The following PBX3 variants were observed in gnomAD, a reference collection of about 807,000 sequenced individuals.
PBX3 encodes the protein PBX homeobox 3, also known as pre-B-cell leukemia transcription factor 3.
Under a neutral mutation model 48.5 loss-of-function variants are expected in PBX3, and 14 were observed. The ratio of observed to expected loss-of-function variants is 0.29; its 90% CI spans 0.19 to 0.45. The LOEUF is 0.45. Among genes scored for constraint, PBX3 ranks in the 20% least tolerant of loss-of-function variants. The pLI, the probability that PBX3 is intolerant of heterozygous loss-of-function variation, is 1.00. For synonymous variants in PBX3, 210 were observed against 200.3 expected, an observed-to-expected ratio of 1.05 and a Z score of -0.41; for missense variants, 386 against 546.7, an observed-to-expected ratio of 0.71 and a Z score of 2.93.
intron 2 of PBX3, among the ~76,000 whole-genome samples, chr9:125,771,939 G>A (rs1454236467): frequency 1.3e-5 from 2 of 152,154 alleles, no homozygotes; most frequent in Non-Finnish European, 2.9e-5. Flanking sequence ...GGTAACCAGG[G>A]GGACCCCAGT....
chr9:125,929,987 T>C, intron 4 of PBX3, 142 bp downstream of exon 4: 1 of 653,768 alleles, frequency 1.5e-6, no homozygotes, highest in Non-Finnish European at 2.7e-6. Flanking sequence ...ATTCAACTCA[T>C]GGTTCCTGTG....
chr9:125,747,762 G>A, intron 1 of PBX3, 109 bp downstream of exon 1: 3 of 827,396 alleles, frequency 3.6e-6, no homozygotes, highest in Non-Finnish European at 5.2e-6. Flanking sequence ...CCCCGGCGGG[G>A]AACTTTCTCC....
At chr9:125,946,745 A>G (rs1185790361) in intron 5 of PBX3, among the ~76,000 whole-genome samples, 1 of 152,176 alleles carries the variant, frequency 6.6e-6, no homozygotes, top group Non-Finnish European at 1.5e-5. Context: ...AGAAAGTCTA[A>G]TATAAATGTG....
At chr9:125,789,196 A>G (rs141554136) in intron 2 of PBX3, among the ~76,000 whole-genome samples, 3 of 152,222 alleles carry the variant, frequency 2.0e-5, no homozygotes, top group African/African-American at 7.2e-5. Flanking sequence ...AATTGCTCCA[A>G]TTTTTCCTAT....
intron 2 of PBX3, among the ~76,000 whole-genome samples, chr9:125,833,252 G>T (rs563653424): frequency 5.9e-5 from 9 of 152,140 alleles, no homozygotes; most frequent in Non-Finnish European, 1.3e-4. Context: ...TTGGGAGGAC[G>T]AGAGAGGTAG....
chr9:125,906,274 C>T (rs1226773731), intron 2 of PBX3, among the ~76,000 whole-genome samples: 1 of 151,992 alleles, frequency 6.6e-6, no homozygotes, highest in Non-Finnish European at 1.5e-5. Flanking sequence ...TGTGCTGTTA[C>T]ATTGGAATGT....
At chr9:125,837,610 A>G (rs1206355197) in intron 2 of PBX3, among the ~76,000 whole-genome samples, 1 of 152,128 alleles carries the variant, frequency 6.6e-6, no homozygotes, top group Non-Finnish European at 1.5e-5. Flanking sequence ...AAGGTTAATA[A>G]AGAGCCACTT....
chr9:125,756,516 A>G (rs1836523213), intron 2 of PBX3, among the ~76,000 whole-genome samples: 3 of 152,294 alleles, frequency 2.0e-5, no homozygotes, highest in Admixed American at 6.5e-5. Flanking sequence ...TTTGCTGGGT[A>G]TGGTTAGAAG....
chr9:125,904,476 T>C (rs1367197135), intron 2 of PBX3, among the ~76,000 whole-genome samples: 1 of 151,914 alleles, frequency 6.6e-6, no homozygotes, highest in South Asian at 2.1e-4. Context: ...CATTACACAT[T>C]GTTTGTTTTA....
intron 2 of PBX3, among the ~76,000 whole-genome samples, chr9:125,834,157 A>G (rs1053581036): frequency 4.6e-5 from 7 of 152,346 alleles, no homozygotes; most frequent in South Asian, 4.1e-4. Context: ...AATAAATAGA[A>G]TAATTTCGAA....
At chr9:125,782,945 C>G (rs1003477065) in intron 2 of PBX3, among the ~76,000 whole-genome samples, 1 of 152,060 alleles carries the variant, frequency 6.6e-6, no homozygotes, top group African/African-American at 2.4e-5. Flanking sequence ...AAGATTCCTT[C>G]TATGTAATGA....
chr9:125,812,616 G>A (rs891927202), intron 2 of PBX3, among the ~76,000 whole-genome samples: 1 of 152,184 alleles, frequency 6.6e-6, no homozygotes, highest in Non-Finnish European at 1.5e-5. Flanking sequence ...CTTTTGCGTG[G>A]GTTACGAATA....
chr9:125,897,454 G>C (rs1345389191), intron 2 of PBX3, among the ~76,000 whole-genome samples: 3 of 151,718 alleles, frequency 2.0e-5, no homozygotes, highest in Non-Finnish European at 4.4e-5. Context: ...AGTGTGAAGT[G>C]ATGAAGCCTT....
chr9:125,838,470 CTT>C (rs1839201149), intron 2 of PBX3, among the ~76,000 whole-genome samples: 2 of 152,284 alleles, frequency 1.3e-5, no homozygotes, highest in Admixed American at 1.3e-4. Context: ...AATTACTCAG[CTT>C]TTAGCTCCTT....
intron 2 of PBX3, among the ~76,000 whole-genome samples, chr9:125,915,178 GTTGT>G (rs1415267310): frequency 1.3e-5 from 2 of 152,050 alleles, no homozygotes; most frequent in African/African-American, 4.8e-5. Flanking sequence ...CTCATCTAAT[GTTGT>G]TTATTTTTCA....
intron 2 of PBX3, among the ~76,000 whole-genome samples, chr9:125,876,272 CAA>C (rs953676510): frequency 2.6e-5 from 4 of 152,100 alleles, no homozygotes; most frequent in African/African-American, 7.2e-5. Flanking sequence ...AAGAATATAA[CAA>C]TATTATTTTC....
At chr9:125,954,739 A>G (rs934257687) in intron 5 of PBX3, among the ~76,000 whole-genome samples, 1 of 152,116 alleles carries the variant, frequency 6.6e-6, no homozygotes, top group East Asian at 1.9e-4. Flanking sequence ...AGGTTTCACC[A>G]TATTGGCCAG....
intron 3 of PBX3, among the ~76,000 whole-genome samples, chr9:125,916,827 G>A (rs1356357864): frequency 6.6e-6 from 1 of 152,118 alleles, no homozygotes; most frequent in Non-Finnish European, 1.5e-5. Flanking sequence ...TTGTCATTTG[G>A]AAGGTAATTT....
chr9:125,867,158 C>T (rs1427825029), intron 2 of PBX3, among the ~76,000 whole-genome samples: 1 of 151,920 alleles, frequency 6.6e-6, no homozygotes, highest in African/African-American at 2.4e-5. Context: ...ACAAATGATG[C>T]ATTTCACCCT....
Sources: allele counts gnomAD v4.1 joint callset (sites outside exome capture counted in the v4.1 genomes callset), GRCh38; gene constraint gnomAD v4.1.1; transcripts MANE v1.5; gene names NCBI Gene and HGNC (gene_info 2026-07-23, HGNC 2026-07-21).